OLFM3: variants seen among roughly 807,000 people sequenced by gnomAD.
OLFM3 encodes the protein noelin-3.
OLFM3 carries 20 observed loss-of-function variants against 48.6 expected under a neutral mutation model. The ratio of observed to expected loss-of-function variants is 0.41; its 90% CI spans 0.29 to 0.60. The LOEUF (loss-of-function observed/expected upper bound fraction) is 0.60. Ranked by LOEUF, OLFM3 falls within the 20% of genes least tolerant of loss-of-function variation. The pLI is 0.28. For synonymous variants in OLFM3, 222 were observed against 198.1 expected (o/e 1.12, Z -1.01); for missense variants, 437 against 544.3 (o/e 0.80, Z 1.96).
At chr1:101,844,535 T>C (rs1655887914) in intron 1 of OLFM3, among the ~76,000 whole-genome samples, 1 of 152,184 alleles carries the variant, frequency 6.6e-6, no homozygotes, top group Non-Finnish European at 1.5e-5. Flanking sequence ...GGAAATCTGA[T>C]TGGTGGCTTA....
At chr1:101,963,314 C>T (rs544863434) in intron 1 of OLFM3, among the ~76,000 whole-genome samples, 11 of 152,322 alleles carry the variant, frequency 7.2e-5, no homozygotes, top group African/African-American at 2.6e-4. Context: ...AGAAAATCAG[C>T]TTTTCCCTTG....
rs181984191 is a variant in OLFM3 at position 101,843,954 on chromosome 1, C to A, written c.70-6929G>T. Among the ~76,000 whole-genome samples, 57 of 152,168 alleles carry A rather than the reference C, an allele frequency of 3.7e-4. 1 individual carries two copies. The highest frequency in any genetic ancestry group is 3.7e-3 in the Admixed American group (57 of 15,292). ...TGCGTGTGGTATATTGCAAACTCAT[C>A]CCATTCATACTGTTTAAAGTGAGAA... On this transcript the variant is annotated intron_variant, in intron 1 of 5. Coordinates refer to ENST00000370103, the MANE Select transcript of OLFM3 (RefSeq NM_058170.4).
At chr1:101,911,733 G>A (rs1275847183) in intron 1 of OLFM3, among the ~76,000 whole-genome samples, 2 of 152,122 alleles carry the variant, frequency 1.3e-5, no homozygotes, top group African/African-American at 4.8e-5. Context: ...GGAAATCCAG[G>A]CTAAACCAGA....
chr1:101,885,587 T>A (rs535184604), intron 1 of OLFM3, among the ~76,000 whole-genome samples: 19 of 152,052 alleles, frequency 1.2e-4, no homozygotes, highest in Non-Finnish European at 2.6e-4. Context: ...TCTTCCTTCT[T>A]CTCAGCCTAA....
rs1011813731 is a variant in OLFM3 at position 101,934,222 on chromosome 1, A to G, written c.69+62526T>C. 2.0e-5 allele frequency among the ~76,000 whole-genome samples: 3 copies of G among 152,224 alleles called. 1 individual carries two copies. The South Asian group carries it at 6.2e-4, about 31-fold the overall frequency. On this transcript the variant is annotated intron_variant, in intron 1 of 5. Transcript: ENST00000370103. ...ATGGTCTGCTGTCTTCAAGAGACAC[A>G]TCTCTCATGTGATGATACTCACAGC...
intron 1 of OLFM3, among the ~76,000 whole-genome samples, chr1:101,883,215 T>G (rs955176695): frequency 6.6e-6 from 1 of 151,432 alleles, no homozygotes; most frequent in African/African-American, 2.4e-5. Flanking sequence ...ATCAATGTTT[T>G]TAGCTTGACT....
chr1:101,942,233 C>T (rs1659817492), intron 1 of OLFM3, among the ~76,000 whole-genome samples: 1 of 152,102 alleles, frequency 6.6e-6, no homozygotes, highest in Non-Finnish European at 1.5e-5. Context: ...AATATTCTTT[C>T]AGAAACACTT....
At chr1:101,810,752 C>T (rs777411875) in intron 4 of OLFM3, among the ~76,000 whole-genome samples, 1 of 151,858 alleles carries the variant, frequency 6.6e-6, no homozygotes, top group Non-Finnish European at 1.5e-5. Flanking sequence ...ACTTTTAACT[C>T]TTACTATTGA....
At chr1:101,919,331 A>G (rs1438520550) in intron 1 of OLFM3, among the ~76,000 whole-genome samples, 1 of 152,142 alleles carries the variant, frequency 6.6e-6, no homozygotes, top group Non-Finnish European at 1.5e-5. Flanking sequence ...TTCTATTTCC[A>G]ATTTTTTTTC....
At chr1:101,846,366 G>A (rs187896970) in intron 1 of OLFM3, among the ~76,000 whole-genome samples, 1 of 152,236 alleles carries the variant, frequency 6.6e-6, no homozygotes, top group East Asian at 1.9e-4. Flanking sequence ...ATGCTTAAAA[G>A]ATGTTAGTTT....
chr1:101,872,965 G>A (rs1657143620), intron 1 of OLFM3, among the ~76,000 whole-genome samples: 1 of 151,912 alleles, frequency 6.6e-6, no homozygotes, highest in Admixed American at 6.6e-5. Context: ...TTACATGATT[G>A]TAGGACATTT....
Position 101,892,209 on chromosome 1 carries a change from G to A in OLFM3, c.70-55184C>T, listed in dbSNP as rs61259271. Among the ~76,000 whole-genome samples the A allele has an allele frequency of 8.2e-4, 125 of 151,882 alleles. 1 individual carries two copies. In the East Asian group the frequency reaches 0.023, roughly 27 times the overall value. ...AACACTATACAGGTGTGCCAAGCAA[G>A]AGATGTATTGTACTGGTTCTAGTCT... On this transcript the variant is annotated intron_variant, in intron 1 of 5. Coordinates refer to ENST00000370103, the MANE Select transcript of OLFM3 (RefSeq NM_058170.4).
chr1:101,861,759 G>C (rs1656665801), intron 1 of OLFM3, among the ~76,000 whole-genome samples: 1 of 152,190 alleles, frequency 6.6e-6, no homozygotes, highest in Admixed American at 6.5e-5. Flanking sequence ...GTCACTTACT[G>C]TGTGATCCTG....
At chr1:101,866,725 T>C (rs957557521) in intron 1 of OLFM3, among the ~76,000 whole-genome samples, 2 of 152,228 alleles carry the variant, frequency 1.3e-5, no homozygotes, top group African/African-American at 4.8e-5. Context: ...ATTTAGGTAA[T>C]AATTTAAATG....
At chr1:101,968,180 C>T (rs1660673335) in intron 1 of OLFM3, among the ~76,000 whole-genome samples, 1 of 152,150 alleles carries the variant, frequency 6.6e-6, no homozygotes, top group African/African-American at 2.4e-5. Context: ...TGTGAGTCCA[C>T]ATATTTTAAA....
intron 1 of OLFM3, among the ~76,000 whole-genome samples, chr1:101,872,342 G>T (rs983175205): frequency 6.6e-6 from 1 of 151,918 alleles, no homozygotes; most frequent in Non-Finnish European, 1.5e-5. Flanking sequence ...AGGTGGCTAT[G>T]GCAAGAGTTC....
chr1:101,891,520 G>A (rs1657997979), intron 1 of OLFM3, among the ~76,000 whole-genome samples: 1 of 151,658 alleles, frequency 6.6e-6, no homozygotes, highest in African/African-American at 2.4e-5. Context: ...TAAGAAGCAT[G>A]GTTTTGTTTG....
chr1:101,811,895 A>C (rs1040404138), intron 4 of OLFM3, among the ~76,000 whole-genome samples: 9 of 152,196 alleles, frequency 5.9e-5, no homozygotes, highest in African/African-American at 1.7e-4. Context: ...ACGTATGTTT[A>C]TTGCGGCACT....
intron 1 of OLFM3, among the ~76,000 whole-genome samples, chr1:101,956,102 T>TA (rs1660289981): frequency 6.9e-6 from 1 of 144,456 alleles, no homozygotes; most frequent in South Asian, 2.4e-4. Flanking sequence ...TTTTTTTTTT[T>TA]TAAAAAAAAC....
Sources: gnomAD v4.1 joint callset for allele counts (sites outside exome capture counted in the v4.1 genomes callset) on GRCh38, gnomAD v4.1.1 for gene constraint, MANE v1.5 for transcripts, NCBI Gene and HGNC (gene_info 2026-07-23, HGNC 2026-07-21) for gene names.